The following CCDC171 variants were observed in gnomAD, a reference collection of about 807,000 sequenced individuals.
CCDC171 encodes coiled-coil domain containing 171, also known as coiled-coil domain-containing protein 171.
A neutral mutation model predicts 168.2 loss-of-function variants in CCDC171; 177 were observed. That is an observed-to-expected ratio of 1.05 (90% CI 0.93 to 1.19). The LOEUF (loss-of-function observed/expected upper bound fraction) is 1.19. Ranked by LOEUF, CCDC171 falls within the 50% of genes most tolerant of loss-of-function variation. CCDC171 has a pLI of 0.00. For missense variants in CCDC171, 1,991 were observed against 1,539.0 expected (o/e 1.29, Z -4.91); for synonymous variants, 687 against 540.8 (o/e 1.27, Z -3.75).
intron 11 of CCDC171, among the ~76,000 whole-genome samples, chr9:15,710,529 C>G (rs2052581295): frequency 1.3e-5 from 2 of 152,082 alleles, no homozygotes; most frequent in South Asian, 2.1e-4. Context: ...TCTCAATCTC[C>G]TGACCTCATG....
chr9:16,092,984 C>T, the CCDC171 span, among the ~76,000 whole-genome samples: 1 of 152,176 alleles, frequency 6.6e-6, no homozygotes, highest in Non-Finnish European at 1.5e-5. Context: ...TGTGGGAGTT[C>T]ATGGGCCCCT....
chr9:15,721,542 C>T (rs1479748209), intron 11 of CCDC171, among the ~76,000 whole-genome samples: 2 of 149,018 alleles, frequency 1.3e-5, no homozygotes, highest in Admixed American at 6.7e-5. Context: ...TTAATTTGGC[C>T]GCTTGTTTAG....
chr9:15,890,697 CA>C (rs1330229565), intron 24 of CCDC171, among the ~76,000 whole-genome samples: 1 of 152,066 alleles, frequency 6.6e-6, no homozygotes, highest in Non-Finnish European at 1.5e-5. Flanking sequence ...GTCCTTAAAA[CA>C]AAATGGCTAT....
intron 25 of CCDC171, among the ~76,000 whole-genome samples, chr9:15,944,042 T>C (rs1828019724): frequency 6.6e-6 from 1 of 152,046 alleles, no homozygotes; most frequent in Non-Finnish European, 1.5e-5. Context: ...GTGTTGTTTT[T>C]TCTTTTGCAG....
intron 18 of CCDC171, among the ~76,000 whole-genome samples, chr9:15,765,757 G>T (rs912073951): frequency 2.0e-5 from 3 of 152,098 alleles, no homozygotes; most frequent in Non-Finnish European, 4.4e-5. Context: ...TTTAATCAGG[G>T]TGGGGGTTTG....
chr9:16,091,498 A>G, the CCDC171 span, among the ~76,000 whole-genome samples: 2 of 152,202 alleles, frequency 1.3e-5, no homozygotes, highest in East Asian at 1.9e-4. Flanking sequence ...CTGACAAAGC[A>G]CCAAATGCTC....
chr9:15,797,366 G>T (rs911873543), intron 21 of CCDC171, among the ~76,000 whole-genome samples: 3 of 152,028 alleles, frequency 2.0e-5, no homozygotes, highest in African/African-American at 7.2e-5. Flanking sequence ...ACAGGCGCAT[G>T]CCACCATGCC....
chr9:15,781,312 G>A (rs2057655904), intron 20 of CCDC171, among the ~76,000 whole-genome samples: 1 of 152,182 alleles, frequency 6.6e-6, no homozygotes, highest in African/African-American at 2.4e-5. Context: ...GAATCCTCTT[G>A]TAAGAGCTTT....
At chr9:15,562,890 T>C (rs139141365) in intron 1 of CCDC171, among the ~76,000 whole-genome samples, 524 of 119,166 alleles carry the variant, frequency 4.4e-3, no homozygotes, top group African/African-American at 0.014. Flanking sequence ...TGGGACAATA[T>C]CTGAAGAGCT....
chr9:16,006,160 C>G (rs1444944402), intron 3 of CCDC171, among the ~76,000 whole-genome samples: 1 of 152,186 alleles, frequency 6.6e-6, no homozygotes, highest in Non-Finnish European at 1.5e-5. Context: ...CTCTGCCCAA[C>G]CAAGAAGGTT....
At chr9:15,628,812 G>A (rs201524511) in intron 7 of CCDC171, among the ~76,000 whole-genome samples, 2 of 152,252 alleles carry the variant, frequency 1.3e-5, no homozygotes, top group South Asian at 2.1e-4. Flanking sequence ...TCACACGGCC[G>A]GGTACTCCTC....
chr9:15,889,024 T>C (rs1283358336), intron 24 of CCDC171: 7 of 138,822 alleles, frequency 5.0e-5, no homozygotes, highest in African/African-American at 1.8e-4. Flanking sequence ...AGCAGTGCGA[T>C]CTCAGCTCAC....
intron 25 of CCDC171, among the ~76,000 whole-genome samples, chr9:15,945,104 C>A (rs1040765301): frequency 3.3e-5 from 5 of 150,608 alleles, no homozygotes; most frequent in African/African-American, 1.2e-4. Flanking sequence ...TGTTCAATTC[C>A]CACCTATGAG....
the CCDC171 span, among the ~76,000 whole-genome samples, chr9:16,095,877 T>C: frequency 2.1e-3 from 274 of 131,858 alleles, 3 homozygotes; most frequent in African/African-American, 1.6e-3. Flanking sequence ...CACATATATA[T>C]ATATATATAT....
chr9:15,942,071 A>G (rs1827795823), intron 25 of CCDC171, among the ~76,000 whole-genome samples: 2 of 151,872 alleles, frequency 1.3e-5, no homozygotes, highest in Admixed American at 1.3e-4. Context: ...CCAAGTTTTA[A>G]ATCCCAAGTC....
At chr9:15,873,289 C>G (rs2131210791) in intron 23 of CCDC171, among the ~76,000 whole-genome samples, 1 of 152,118 alleles carries the variant, frequency 6.6e-6, no homozygotes, top group African/African-American at 2.4e-5. Flanking sequence ...ATAATTCAAA[C>G]AGTTTTACAA....
Position 15,770,429 on chromosome 9 carries a change from G to A in CCDC171, c.2672-7171G>A, listed in dbSNP as rs544020262. On this transcript the variant is annotated intron_variant, in intron 18 of 25. Transcript: ENST00000380701. ...TGTAATCCCACATCTCTTGATTTAT[G>A]GATTTAAAATGATTATTCTTAGAAG... 1.1e-4 allele frequency among the ~76,000 whole-genome samples: 16 copies of A among 152,136 alleles called. No homozygotes were observed. In the East Asian group the frequency reaches 2.9e-3, roughly 28 times the overall value.
chr9:15,904,705 C>T (rs1822256448), intron 24 of CCDC171, among the ~76,000 whole-genome samples: 1 of 151,976 alleles, frequency 6.6e-6, no homozygotes, highest in Non-Finnish European at 1.5e-5. Flanking sequence ...CTAAATGCTC[C>T]AATTAAAAGA....
At chr9:15,824,816 CTGG>C (rs2059945927) in intron 21 of CCDC171, among the ~76,000 whole-genome samples, 1 of 152,020 alleles carries the variant, frequency 6.6e-6, no homozygotes, top group Non-Finnish European at 1.5e-5. Flanking sequence ...CTGACAGCCT[CTGG>C]TGGTCAAGTA....
Sources: gnomAD v4.1 joint callset for allele counts (sites outside exome capture counted in the v4.1 genomes callset) on GRCh38, gnomAD v4.1.1 for gene constraint, MANE v1.5 for transcripts, NCBI Gene and HGNC (gene_info 2026-07-23, HGNC 2026-07-21) for gene names.